The following AFF2 variants were observed in gnomAD, a reference collection of about 807,000 sequenced individuals.
AFF2 encodes ALF transcription elongation factor 2.
A neutral mutation model predicts 76.9 loss-of-function variants in AFF2; 14 were observed. The ratio of observed to expected loss-of-function variants is 0.18; its 90% CI spans 0.12 to 0.28. The LOEUF is 0.28. Among genes scored for constraint, AFF2 ranks in the 10% least tolerant of loss-of-function variants. AFF2 has a pLI of 1.00. For synonymous variants in AFF2, 398 were observed against 366.7 expected, an observed-to-expected ratio of 1.09 and a Z score of -0.98; for missense variants, 868 against 1,001.1, an observed-to-expected ratio of 0.87 and a Z score of 1.79.
chrX:148,733,152 C>T (rs980154236), intron 3 of AFF2, among the ~76,000 whole-genome samples: 10 of 111,619 alleles, frequency 9.0e-5, no homozygotes, highest in African/African-American at 3.3e-4. Context: ...AAGTGAGCTG[C>T]TGAGAATGAA....
At chrX:148,761,084 G>T (rs963255319) in intron 3 of AFF2, among the ~76,000 whole-genome samples, 1 of 111,407 alleles carries the variant, frequency 9.0e-6, no homozygotes, top group Non-Finnish European at 1.9e-5. Flanking sequence ...TATGTAAAAT[G>T]AACTTTATAT....
chrX:148,831,611 G>A (rs1207089053), intron 4 of AFF2, among the ~76,000 whole-genome samples: 2 of 111,798 alleles, frequency 1.8e-5, no homozygotes, highest in Non-Finnish European at 3.8e-5. Flanking sequence ...GCCCTGCCTG[G>A]CTTTGCTCTC....
At chrX:148,617,131 T>A (rs2053816913) in intron 1 of AFF2, among the ~76,000 whole-genome samples, 1 of 111,731 alleles carries the variant, frequency 9.0e-6, no homozygotes, top group African/African-American at 3.2e-5. Flanking sequence ...TAGTTCTAGA[T>A]CCTTGAGGAA....
At chrX:148,734,100 G>A (rs2055257908) in intron 3 of AFF2, among the ~76,000 whole-genome samples, 1 of 112,093 alleles carries the variant, frequency 8.9e-6, no homozygotes, top group African/African-American at 3.2e-5. Flanking sequence ...CTCACACAGG[G>A]AGGGTGATGA....
chrX:148,775,259 G>T (rs782531792), intron 3 of AFF2, among the ~76,000 whole-genome samples: 8 of 111,705 alleles, frequency 7.2e-5, no homozygotes, highest in Non-Finnish European at 1.1e-4. Flanking sequence ...TTCTACTCTG[G>T]TATCTGAAAA....
Position 148,996,635 on chromosome X carries a change from C to A in AFF2, c.*5303C>A. ...AATTACATAGTTTTAAGATATGAAT[C>A]AATGTGTGAATGTAGAAAGCTTATG... On this transcript the variant is annotated 3_prime_UTR_variant, in exon 21 of 21. Coordinates refer to ENST00000370460, the MANE Select transcript of AFF2 (RefSeq NM_002025.4). 1 of 112,020 alleles carries A rather than the reference C, an allele frequency of 8.9e-6. No homozygotes were observed. The highest frequency in any genetic ancestry group is 2.8e-4 in the East Asian group (1 of 3,556). The allele number at this position is 112,020 out of a possible 1,213,427, so 9.2% of individuals were successfully genotyped here.
chrX:148,581,222 ATATACG>A (rs1231255259), intron 1 of AFF2, among the ~76,000 whole-genome samples: 15 of 51,819 alleles, frequency 2.9e-4, no homozygotes, highest in African/African-American at 1.4e-3. Context: ...CACATATATA[ATATACG>A]TATACGTATA....
intron 1 of AFF2, among the ~76,000 whole-genome samples, chrX:148,578,071 C>T (rs1314103890): frequency 1.8e-5 from 2 of 112,591 alleles, no homozygotes; most frequent in Admixed American, 9.4e-5. Flanking sequence ...CACTTACTTT[C>T]ACTCTTGGCC....
chrX:148,501,077 C>A lies in AFF2; in HGVS notation c.-21C>A. 1 of 1,129,371 alleles carries A rather than the reference C, an allele frequency of 8.9e-7. No homozygotes were observed. The highest frequency in any genetic ancestry group is 1.2e-6 in the Non-Finnish European group (1 of 841,796). 93.1% of individuals were successfully genotyped at this position (1,129,371 alleles called of 1,213,427 possible). On this transcript the variant is annotated 5_prime_UTR_variant, in exon 1 of 21. Coordinates refer to ENST00000370460, the MANE Select transcript of AFF2 (RefSeq NM_002025.4). ...CTGCGATCAGGGACAGGCGCCCGCC[C>A]GCCGCCGCCGCCTGGCCGCTATGGA... is the stretch of plus-strand genomic sequence containing the variant.
intron 1 of AFF2, among the ~76,000 whole-genome samples, chrX:148,546,608 A>G (rs2052923920): frequency 8.9e-6 from 1 of 112,474 alleles, no homozygotes; most frequent in Non-Finnish European, 1.9e-5. Context: ...TTCCACATTG[A>G]TATTTCCCTG....
At chrX:148,556,037 A>G (rs1390228736) in intron 1 of AFF2, among the ~76,000 whole-genome samples, 2 of 112,013 alleles carry the variant, frequency 1.8e-5, no homozygotes, top group Non-Finnish European at 3.8e-5. Context: ...GTGTGTGTGT[A>G]GGAGGCTACA....
intron 3 of AFF2, among the ~76,000 whole-genome samples, chrX:148,785,998 G>C (rs190923958): frequency 8.5e-4 from 95 of 111,722 alleles, no homozygotes; most frequent in Non-Finnish European, 8.8e-4. Context: ...ATGTAACATA[G>C]GGATAATGTA....
chrX:148,533,758 C>A (rs1244875402), intron 1 of AFF2, among the ~76,000 whole-genome samples: 2 of 111,947 alleles, frequency 1.8e-5, no homozygotes, highest in African/African-American at 6.5e-5. Context: ...TTTAATAAGG[C>A]AAATCTAGAA....
At chrX:148,668,948 C>T (rs1557258794) in intron 3 of AFF2, among the ~76,000 whole-genome samples, 1 of 112,405 alleles carries the variant, frequency 8.9e-6, no homozygotes, top group African/African-American at 3.2e-5. Context: ...ATTTTCCAAA[C>T]TTTTATGCTG....
intron 1 of AFF2, among the ~76,000 whole-genome samples, chrX:148,634,532 T>C (rs1557253525): frequency 9.0e-6 from 1 of 111,680 alleles, no homozygotes. Flanking sequence ...CACTTTTGGA[T>C]GGTTACTTTT....
Position 148,814,224 on chromosome X carries a change from C to T in AFF2, c.1086+4304C>T, listed in dbSNP as rs191842658. Among the ~76,000 whole-genome samples the T allele has an allele frequency of 2.7e-5, 3 of 111,758 alleles. No homozygotes were observed. The East Asian group carries it at 8.5e-4, about 32-fold the overall frequency. On this transcript the variant is annotated intron_variant, in intron 4 of 20. Coordinates refer to ENST00000370460, the MANE Select transcript of AFF2 (RefSeq NM_002025.4). ...TACCAGCAGCAGCTTCTTTTCTGAG[C>T]TCTACGGGGTTTTATGGATCCTAGA...
At chrX:148,769,920 G>A (rs1557267994) in intron 3 of AFF2, among the ~76,000 whole-genome samples, 1 of 111,358 alleles carries the variant, frequency 9.0e-6, no homozygotes, top group African/African-American at 3.3e-5. Flanking sequence ...TGCTGCTGGG[G>A]GCAGAGCTTT....
intron 1 of AFF2, among the ~76,000 whole-genome samples, chrX:148,581,275 T>C (rs1455926505): frequency 5.7e-3 from 2 of 353 alleles, no homozygotes; most frequent in African/African-American, 0.013. Flanking sequence ...TACACACATA[T>C]ACACGTATAT....
chrX:148,905,002 A>G (rs1213713607), intron 9 of AFF2, among the ~76,000 whole-genome samples: 1 of 111,939 alleles, frequency 8.9e-6, no homozygotes, highest in Non-Finnish European at 1.9e-5. Context: ...TTGCTGGGCT[A>G]TTATAGGTCT....
Sources: gnomAD v4.1 joint callset for allele counts (sites outside exome capture counted in the v4.1 genomes callset) on GRCh38, gnomAD v4.1.1 for gene constraint, MANE v1.5 for transcripts, NCBI Gene and HGNC (gene_info 2026-07-23, HGNC 2026-07-21) for gene names.